The following EXT2 variants were observed in gnomAD, a reference collection of about 807,000 sequenced individuals.
The protein encoded by EXT2 is exostosin-2.
EXT2 carries 53 observed loss-of-function variants against 81.6 expected under a neutral mutation model. The ratio of observed to expected loss-of-function variants is 0.65; its 90% CI spans 0.52 to 0.82. The LOEUF is 0.82. EXT2 is among the 40% of genes least tolerant of loss of function. EXT2 has a pLI of 0.00. For synonymous variants in EXT2, 320 were observed against 340.0 expected (o/e 0.94, Z 0.65); for missense variants, 774 against 910.2 (o/e 0.85, Z 1.93).
intron 2 of EXT2, among the ~76,000 whole-genome samples, chr11:44,108,853 A>G (rs756494492): frequency 1.8e-4 from 28 of 152,304 alleles, no homozygotes; most frequent in Non-Finnish European, 3.1e-4. Context: ...GTTGCATAGT[A>G]TTCCATTTTG....
intron 13 of EXT2, among the ~76,000 whole-genome samples, chr11:44,240,231 C>G (rs1590672823): frequency 6.6e-6 from 1 of 152,130 alleles, no homozygotes; most frequent in Non-Finnish European, 1.5e-5. Context: ...AAGGCAGACT[C>G]TTGGGAAATT....
intron 10 of EXT2, among the ~76,000 whole-genome samples, chr11:44,226,627 G>A (rs1429142466): frequency 6.6e-6 from 1 of 152,260 alleles, no homozygotes; most frequent in Non-Finnish European, 1.5e-5. Flanking sequence ...AGGGCTGAGA[G>A]TGAATCCTAT....
At chr11:44,201,658 G>A (rs1955523872) in intron 9 of EXT2, among the ~76,000 whole-genome samples, 1 of 152,274 alleles carries the variant, frequency 6.6e-6, no homozygotes, top group South Asian at 2.1e-4. Context: ...AGAAGAACTA[G>A]ATCTTTGTCA....
Position 44,157,468 on chromosome 11 carries a change from T to C in EXT2, c.1174-14143T>C, listed in dbSNP as rs373229584. 4.6e-5 allele frequency among the ~76,000 whole-genome samples: 7 copies of C among 152,336 alleles called. No homozygotes were observed. In the East Asian group the frequency reaches 7.7e-4, roughly 17 times the overall value. ...AAGTCCTTCCCACTTTTCCCTCTCC[T>C]TTCCACATGTAGAAGAAGTCTCTCT... is the stretch of plus-strand genomic sequence containing the variant. On this transcript the variant is annotated intron_variant, in intron 7 of 13. Coordinates refer to ENST00000533608, the MANE Select transcript of EXT2 (RefSeq NM_207122.2).
chr11:44,141,951 C>T (rs1258581884), intron 7 of EXT2, among the ~76,000 whole-genome samples: 1 of 152,192 alleles, frequency 6.6e-6, no homozygotes, highest in Non-Finnish European at 1.5e-5. Flanking sequence ...AGACAAATAT[C>T]TAGGTTTACA....
intron 7 of EXT2, among the ~76,000 whole-genome samples, chr11:44,145,307 C>A (rs1277354528): frequency 1.3e-5 from 2 of 152,026 alleles, no homozygotes; most frequent in African/African-American, 4.8e-5. Context: ...AGAAAAGGAG[C>A]AAATAATATC....
At chr11:44,184,551 A>C (rs931737483) in intron 8 of EXT2, among the ~76,000 whole-genome samples, 1 of 152,056 alleles carries the variant, frequency 6.6e-6, no homozygotes, top group Non-Finnish European at 1.5e-5. Flanking sequence ...GGAGATGGAG[A>C]CCATCCTGGC....
At chr11:44,104,265 C>A (rs1249919529) in intron 1 of EXT2, among the ~76,000 whole-genome samples, 1 of 151,920 alleles carries the variant, frequency 6.6e-6, no homozygotes. Context: ...GGGTTCATTG[C>A]GTGTTCTGTG....
intron 9 of EXT2, among the ~76,000 whole-genome samples, chr11:44,200,963 C>A (rs1244070081): frequency 6.6e-6 from 1 of 152,200 alleles, no homozygotes; most frequent in Admixed American, 6.5e-5. Flanking sequence ...AGTTCTTTTT[C>A]TCCTTTGAGC....
At chr11:44,100,544 A>G (rs1215604391) in intron 1 of EXT2, among the ~76,000 whole-genome samples, 1 of 152,160 alleles carries the variant, frequency 6.6e-6, no homozygotes, top group Non-Finnish European at 1.5e-5. Flanking sequence ...AGTGGAGTTG[A>G]CTGGCTCTTG....
In EXT2 at chr11:44,234,219, C is replaced by T. The variant is rs748445132; in HGVS notation, c.1911C>T (p.Asn637=). ...TTGCCATGAACTTCCTGGTGGCCAACGTCACGGGAAAAGCAGTTATCAAGG... is the reference window on the plus strand; with the variant it reads ...TTGCCATGAACTTCCTGGTGGCCAATGTCACGGGAAAAGCAGTTATCAAGG... ...EDIAMNFLVA[N]VTGKAVIKVT... Residue 637 remains asparagine (N), a synonymous_variant, in exon 12 of 14, where the codon AAC becomes AAT. Transcript: ENST00000533608. 8.1e-6 allele frequency: 13 copies of T among 1,613,952 alleles called. No homozygotes were observed. The highest frequency in any genetic ancestry group is 2.7e-5 in the African/African-American group (2 of 74,920).
At chr11:44,144,345 G>C (rs747953389) in intron 7 of EXT2, 1 of 1,596,194 alleles carries the variant, frequency 6.3e-7, no homozygotes, top group African/African-American at 1.3e-5. Context: ...CACAGGCATG[G>C]GTGACTTAGA....
chr11:44,145,624 C>T (rs1226338087), intron 7 of EXT2, among the ~76,000 whole-genome samples: 1 of 152,040 alleles, frequency 6.6e-6, no homozygotes, highest in East Asian at 1.9e-4. Context: ...GATGAGGTAG[C>T]TATTATTCTT....
chr11:44,214,127 T>TTC (rs1955685770), intron 10 of EXT2, among the ~76,000 whole-genome samples: 1 of 151,110 alleles, frequency 6.6e-6, no homozygotes, highest in African/African-American at 2.5e-5. Flanking sequence ...TCTTCTTCTT[T>TTC]TTTTTTGAGA....
chr11:44,191,368 C>T (rs1270703952), intron 8 of EXT2, among the ~76,000 whole-genome samples: 1 of 152,230 alleles, frequency 6.6e-6, no homozygotes, highest in East Asian at 1.9e-4. Flanking sequence ...TTTGAGTGAA[C>T]AGGTTCATCC....
chr11:44,218,350 G>T (rs1495118), intron 10 of EXT2, among the ~76,000 whole-genome samples: 137,129 of 152,094 alleles, frequency 0.9, 61,901 homozygotes, highest in East Asian at 0.99. Context: ...CATCATCATA[G>T]CGGTGTGGCA....
chr11:44,190,416 T>C (rs1288738659), intron 8 of EXT2, among the ~76,000 whole-genome samples: 2 of 152,218 alleles, frequency 1.3e-5, no homozygotes, highest in Non-Finnish European at 2.9e-5. Context: ...AGGCTTCTCA[T>C]TACTAGGTGC....
chr11:44,207,572 G>A (rs901596259), intron 10 of EXT2, among the ~76,000 whole-genome samples: 1 of 152,204 alleles, frequency 6.6e-6, no homozygotes, highest in African/African-American at 2.4e-5. Flanking sequence ...CTGTCAGGGT[G>A]TACGTGAGAT....
chr11:44,109,245 C>G lies in EXT2; in HGVS notation c.588C>G (p.Pro196=). 6.2e-7 allele frequency: 1 copy of G among 1,613,966 alleles called. No individual in the cohort carries two copies. Among genetic ancestry groups the G allele is most frequent in the South Asian group, 1.1e-5 (1 of 91,058 alleles). The part of the protein sequence containing the change: ...HLLFNMLPGG[P]PDYNTALDVP... ...TGTTCAACATGTTGCCTGGAGGTCCCCCAGATTATAACACAGCCCTGGATG... is the reference window on the plus strand; with the variant it reads ...TGTTCAACATGTTGCCTGGAGGTCCGCCAGATTATAACACAGCCCTGGATG... The change falls in exon 3 of 14, where the codon CCC becomes CCG. Residue 196 remains proline (P), a synonymous_variant. Transcript: ENST00000533608.
Sources: allele counts gnomAD v4.1 joint callset (sites outside exome capture counted in the v4.1 genomes callset), GRCh38; gene constraint gnomAD v4.1.1; transcripts MANE v1.5; gene names NCBI Gene and HGNC (gene_info 2026-07-23, HGNC 2026-07-21).